Variants in ITPR1 observed in about 807,000 individuals in gnomAD.
ITPR1 encodes the protein inositol 1,4,5-trisphosphate-gated calcium channel ITPR1.
In ITPR1, 96 loss-of-function variants were observed where a neutral mutation model predicts 318.4. The observed-to-expected ratio is 0.30, with a 90% CI of 0.26 to 0.36. The LOEUF (loss-of-function observed/expected upper bound fraction) is 0.36, where lower values mean the gene tolerates loss of function less well. Ranked by LOEUF, ITPR1 falls within the 10% of genes least tolerant of loss-of-function variation. The pLI, the probability that ITPR1 is intolerant of heterozygous loss-of-function variation, is 1.00. For synonymous variants in ITPR1, 1,312 were observed against 1,289.9 expected (o/e 1.02, Z -0.37); for missense variants, 2,440 against 3,460.2 (o/e 0.71, Z 7.40).
rs56744564 is a variant in ITPR1 at position 4,752,145 on chromosome 3, T to A, written c.5545-14385T>A. On this transcript the variant is annotated intron_variant, in intron 44 of 61. Transcript: ENST00000649015. ...CCCCTGGAATTCAGGACTTTAAAAATATATATATTTTATTGCTCTTCGAGG... is the reference window on the plus strand; with the variant it reads ...CCCCTGGAATTCAGGACTTTAAAAAAATATATATTTTATTGCTCTTCGAGG... Among the ~76,000 whole-genome samples the A allele has an allele frequency of 3.3e-3, 503 of 152,286 alleles. 1 individual carries two copies. The highest frequency in any genetic ancestry group is 9.3e-3 in the African/African-American group (387 of 41,554).
rs554670647 is a variant in ITPR1, at chr3:4,590,168, G to A, written c.164-37595G>A. ...CTTCCCCCCTTTGTGTCTCCTCTTC[G>A]TCTTGCTTTTTTTTTTTTTTTTTTT... On this transcript the variant is annotated intron_variant, in intron 4 of 61. Coordinates refer to ENST00000649015, the MANE Select transcript of ITPR1 (RefSeq NM_001378452.1). 1.8e-4 allele frequency among the ~76,000 whole-genome samples: 23 copies of A among 128,206 alleles called. No homozygotes were observed. The South Asian group carries it at 5.0e-3, about 28-fold the overall frequency. 84.1% of individuals were successfully genotyped at this position (128,206 alleles called of 152,430 possible).
intron 47 of ITPR1, 121 bp from the exon 48 acceptor site, chr3:4,777,143 C>G (rs2046533650): frequency 3.3e-6 from 2 of 608,274 alleles, no homozygotes; most frequent in South Asian, 4.3e-5. Context: ...TTGCAGCTCT[C>G]CCCTAGAGAC....
chr3:4,759,687 T>C (rs2045292413), intron 44 of ITPR1, among the ~76,000 whole-genome samples: 1 of 152,222 alleles, frequency 6.6e-6, no homozygotes, highest in African/African-American at 2.4e-5. Context: ...GTCTTTTATC[T>C]AGCGGCGTCT....
At chr3:4,813,087 A>AT in intron 56 of ITPR1, 55 bp from the exon 57 acceptor site, 1 of 1,359,154 alleles carries the variant, frequency 7.4e-7, no homozygotes, top group Non-Finnish European at 1.1e-6. Flanking sequence ...GACTTCAAAC[A>AT]TTTTAACCAT....
intron 4 of ITPR1, among the ~76,000 whole-genome samples, chr3:4,546,299 G>C (rs919091352): frequency 1.3e-5 from 2 of 152,052 alleles, no homozygotes; most frequent in Admixed American, 6.5e-5. Context: ...TGCATTAGAG[G>C]GTGTGAGCAC....
intron 54 of ITPR1, among the ~76,000 whole-genome samples, chr3:4,801,779 A>G (rs1324124063): frequency 6.6e-6 from 1 of 152,102 alleles, no homozygotes; most frequent in Non-Finnish European, 1.5e-5. Context: ...TAAATAAATG[A>G]ACAAATAAAT....
chr3:4,594,085 G>T (rs955723893), intron 4 of ITPR1, among the ~76,000 whole-genome samples: 1 of 152,164 alleles, frequency 6.6e-6, no homozygotes, highest in Non-Finnish European at 1.5e-5. Flanking sequence ...ATAGGTAGAA[G>T]GTAGACTTCG....
At chr3:4,680,752 G>A in intron 25 of ITPR1, 61 bp downstream of exon 25, 1 of 1,439,282 alleles carries the variant, frequency 6.9e-7, no homozygotes, top group South Asian at 1.3e-5. Context: ...GGAAAATGGG[G>A]AGAGCAAACA....
intron 44 of ITPR1, among the ~76,000 whole-genome samples, chr3:4,739,397 A>G (rs1329307429): frequency 2.6e-5 from 4 of 152,166 alleles, no homozygotes; most frequent in African/African-American, 9.7e-5. Flanking sequence ...ATGTTTCCTG[A>G]TGACAGGTGG....
At chr3:4,814,729 T>C in intron 58 of ITPR1, 167 bp downstream of exon 58, 1 of 685,052 alleles carries the variant, frequency 1.5e-6, no homozygotes, top group East Asian at 2.7e-5. Flanking sequence ...CTCTATCACG[T>C]GAGGTGGTGC....
chr3:4,607,903 G>A (rs985069732), intron 4 of ITPR1, among the ~76,000 whole-genome samples: 4 of 152,094 alleles, frequency 2.6e-5, no homozygotes, highest in African/African-American at 9.7e-5. Context: ...GTGACTTCCG[G>A]AATAATGGCT....
intron 44 of ITPR1, among the ~76,000 whole-genome samples, chr3:4,738,082 G>A (rs992028161): frequency 6.6e-6 from 1 of 152,150 alleles, no homozygotes; most frequent in Non-Finnish European, 1.5e-5. Flanking sequence ...TCGGAAGGAG[G>A]GAGAGGATGG....
intron 2 of ITPR1, among the ~76,000 whole-genome samples, chr3:4,498,055 G>A (rs1272422707): frequency 6.6e-6 from 1 of 152,126 alleles, no homozygotes; most frequent in African/African-American, 2.4e-5. Flanking sequence ...GACAGGAAGG[G>A]GGAGTTAGTG....
At chr3:4,836,500 A>C (rs1259537138) in intron 60 of ITPR1, among the ~76,000 whole-genome samples, 1 of 152,176 alleles carries the variant, frequency 6.6e-6, no homozygotes, top group African/African-American at 2.4e-5. Flanking sequence ...CAGTATTCAG[A>C]TTTGGAGATT....
At chr3:4,820,161 A>G (rs181505028) in intron 60 of ITPR1, among the ~76,000 whole-genome samples, 4 of 152,234 alleles carry the variant, frequency 2.6e-5, no homozygotes, top group East Asian at 1.9e-4. Flanking sequence ...TTTTCCTCCA[A>G]TTGTTGAAAC....
chr3:4,530,984 C>G (rs1198877106), intron 4 of ITPR1, among the ~76,000 whole-genome samples: 1 of 152,138 alleles, frequency 6.6e-6, no homozygotes, highest in African/African-American at 2.4e-5. Flanking sequence ...TGTTAAGTAC[C>G]TTCCTCCTTT....
At chr3:4,737,262 G>A (rs1459771309) in intron 44 of ITPR1, among the ~76,000 whole-genome samples, 1 of 152,182 alleles carries the variant, frequency 6.6e-6, no homozygotes, top group Non-Finnish European at 1.5e-5. Flanking sequence ...CACATACGAT[G>A]CTATGTCTCA....
intron 4 of ITPR1, among the ~76,000 whole-genome samples, chr3:4,590,896 A>G (rs4685772): frequency 0.12 from 17,623 of 151,992 alleles, 1,715 homozygotes; most frequent in East Asian, 0.4. Context: ...CCCCTCCACA[A>G]GTAGACTCTG....
intron 4 of ITPR1, among the ~76,000 whole-genome samples, chr3:4,580,135 G>C (rs534280842): frequency 6.6e-6 from 1 of 152,002 alleles, no homozygotes; most frequent in Non-Finnish European, 1.5e-5. Context: ...GCGTGAACCC[G>C]GGAGGCGGAG....
Sources: gnomAD v4.1 joint callset for allele counts (sites outside exome capture counted in the v4.1 genomes callset) on GRCh38, gnomAD v4.1.1 for gene constraint, MANE v1.5 for transcripts, NCBI Gene and HGNC (gene_info 2026-07-23, HGNC 2026-07-21) for gene names.